Variants in TLK2 observed in about 807,000 individuals in gnomAD.
TLK2 encodes serine/threonine-protein kinase tousled-like 2.
TLK2 carries 6 observed loss-of-function variants against 117.3 expected under a neutral mutation model. The ratio of observed to expected loss-of-function variants is 0.05; its 90% CI spans 0.03 to 0.10. TLK2 has a LOEUF of 0.10. Among genes scored for constraint, TLK2 ranks in the 10% least tolerant of loss-of-function variants. The pLI is 1.00. For missense variants in TLK2, 299 were observed against 901.2 expected (o/e 0.33, Z 8.56); for synonymous variants, 257 against 316.7 (o/e 0.81, Z 2.00).
intron 6 of TLK2, among the ~76,000 whole-genome samples, chr17:62,535,348 A>G (rs2077040580): frequency 1.3e-5 from 2 of 152,180 alleles, no homozygotes; most frequent in African/African-American, 2.4e-5. Flanking sequence ...AGTTATGCGT[A>G]ATTGTGATGT....
At chr17:62,503,666 G>T (rs916428036) in intron 2 of TLK2, among the ~76,000 whole-genome samples, 1 of 151,334 alleles carries the variant, frequency 6.6e-6, no homozygotes, top group East Asian at 1.9e-4. Context: ...TGATCCTCCC[G>T]CCCCAGTCTC....
At chr17:62,471,049 C>G (rs1204032264) in exon 1 of TLK2, 1 of 152,270 alleles carries the variant, frequency 6.6e-6, no homozygotes, top group Non-Finnish European at 1.5e-5. Flanking sequence ...CACAGATGGT[C>G]TCATTTGGCC....
At chr17:62,492,137 T>A (rs2073169258) in intron 2 of TLK2, among the ~76,000 whole-genome samples, 1 of 152,120 alleles carries the variant, frequency 6.6e-6, no homozygotes, top group Non-Finnish European at 1.5e-5. Flanking sequence ...GTATTAATAG[T>A]GTGAAAGAAT....
In TLK2 at chr17:62,615,302, AT is replaced by A. The variant is rs1401319489; in HGVS notation, c.*2741del. ...ACTAAGTGGGGTTCTTCCATGACAT[AT>A]TTTGTTAATATGGGTTTCACTTTTT... is the stretch of plus-strand genomic sequence containing the variant. On this transcript the variant is annotated 3_prime_UTR_variant, in exon 22 of 22. Coordinates refer to ENST00000346027, the MANE Select transcript of TLK2 (RefSeq NM_006852.6). 2.0e-5 allele frequency: 3 copies of A among 152,038 alleles called. No homozygotes were observed. Among genetic ancestry groups the A allele is most frequent in the African/African-American group, 7.2e-5 (3 of 41,382 alleles). 9.4% of individuals were successfully genotyped at this position (152,038 alleles called of 1,614,324 possible).
Position 62,595,118 on chromosome 17 carries a change from C to T in TLK2, c.1461-1467C>T, listed in dbSNP as rs181748570. Among the ~76,000 whole-genome samples the T allele has an allele frequency of 3.5e-3, 527 of 152,078 alleles. 4 individuals are homozygous for T. Among genetic ancestry groups the T allele is most frequent in the African/African-American group, 0.012 (493 of 41,502 alleles). ...TGGGGATTACAGGTGGCCACCACCA[C>T]GGCCAGCTAATTTTTGTATTTTTAG... On this transcript the variant is annotated intron_variant, in intron 16 of 21. Transcript: ENST00000346027.
rs527481552 is a variant in TLK2 at position 62,609,425 on chromosome 17, G to A, written c.2079+1277G>A. 1.4e-4 allele frequency among the ~76,000 whole-genome samples: 21 copies of A among 152,266 alleles called. No homozygotes were observed. The South Asian group carries it at 2.5e-3, about 18-fold the overall frequency. ...CTTTCTTCGGTGTTTGATCTCTGCC[G>A]TTCCCTCACAGTGTACCTATGTGAC... is the stretch of plus-strand genomic sequence containing the variant. On this transcript the variant is annotated intron_variant, in intron 21 of 21. Transcript: ENST00000346027.
chr17:62,578,411 T>A, intron 13 of TLK2, 66 bp from the exon 14 acceptor site: 1 of 1,297,056 alleles, frequency 7.7e-7, no homozygotes, highest in Non-Finnish European at 1.1e-6. Context: ...CTATTGTTTT[T>A]GAAATAAGAT....
At chr17:62,512,835 G>GT (rs910394464) in intron 2 of TLK2, among the ~76,000 whole-genome samples, 2 of 145,558 alleles carry the variant, frequency 1.4e-5, no homozygotes, top group South Asian at 4.3e-4. Context: ...GATCTATTTT[G>GT]TTTTTTTCTC....
At chr17:62,523,076 T>C in intron 4 of TLK2, 58 bp from the exon 5 acceptor site, 1 of 1,495,302 alleles carries the variant, frequency 6.7e-7, no homozygotes, top group South Asian at 1.3e-5. Flanking sequence ...TACATTTTAG[T>C]GAATGATGGT....
At chr17:62,550,819 T>C (rs1332368644) in intron 7 of TLK2, 1 of 152,236 alleles carries the variant, frequency 6.6e-6, no homozygotes, top group Non-Finnish European at 1.5e-5. Flanking sequence ...ATGGAACTAA[T>C]AATTACAACC....
intron 2 of TLK2, among the ~76,000 whole-genome samples, chr17:62,489,664 T>C (rs1490780111): frequency 6.6e-6 from 1 of 152,208 alleles, no homozygotes; most frequent in African/African-American, 2.4e-5. Flanking sequence ...TAGAGCACTT[T>C]TAGGTTTATA....
At chr17:62,486,356 C>T (rs1283127654) in intron 2 of TLK2, among the ~76,000 whole-genome samples, 2 of 150,730 alleles carry the variant, frequency 1.3e-5, no homozygotes, top group East Asian at 2.0e-4. Context: ...TGGGGTTTTG[C>T]CATGTTAGTT....
At chr17:62,604,681 C>T (rs140828710) in intron 19 of TLK2, among the ~76,000 whole-genome samples, 8 of 151,666 alleles carry the variant, frequency 5.3e-5, no homozygotes, top group East Asian at 2.0e-4. Flanking sequence ...GAGGCCAAGG[C>T]GGGCGGATCA....
At chr17:62,493,603 T>C (rs1470200374) in intron 2 of TLK2, among the ~76,000 whole-genome samples, 3 of 152,234 alleles carry the variant, frequency 2.0e-5, no homozygotes, top group Admixed American at 1.3e-4. Flanking sequence ...GTGGTTCTTT[T>C]AATTCACATT....
At chr17:62,603,653 A>C (rs746140163) in intron 19 of TLK2, among the ~76,000 whole-genome samples, 51 of 152,150 alleles carry the variant, frequency 3.4e-4, no homozygotes, top group Non-Finnish European at 6.3e-4. Context: ...GCTTCAAAGT[A>C]GTCTGTTGGG....
At chr17:62,595,663 G>T (rs1236568976) in intron 16 of TLK2, among the ~76,000 whole-genome samples, 1 of 151,760 alleles carries the variant, frequency 6.6e-6, no homozygotes, top group Non-Finnish European at 1.5e-5. Context: ...GGGTTGTTCT[G>T]CAGTGGATGA....
At chr17:62,508,813 CAAA>C in intron 2 of TLK2, among the ~76,000 whole-genome samples, 1 of 152,030 alleles carries the variant, frequency 6.6e-6, no homozygotes, top group Non-Finnish European at 1.5e-5. Flanking sequence ...ACTAAAAATA[CAAA>C]AATTAGCCAA....
chr17:62,479,246 GC>G lies in TLK2; in HGVS notation c.-46del. On this transcript the variant is annotated 5_prime_UTR_variant, in exon 1 of 22. Coordinates refer to ENST00000346027, the MANE Select transcript of TLK2 (RefSeq NM_006852.6). ...CGGTCCGCAGCCGGGTCGGGTCGGG[GC>G]CCCTCCCGGGAGGAGCGTGGAGCGG... 1 of 162,620 alleles carries G rather than the reference GC, an allele frequency of 6.1e-6. No homozygotes were observed. Among genetic ancestry groups the G allele is most frequent in the Non-Finnish European group, 1.3e-5 (1 of 76,514 alleles). The allele number at this position is 162,620 out of a possible 1,614,324, so 10.1% of individuals were successfully genotyped here.
chr17:62,521,547 C>T (rs890660452), intron 3 of TLK2, among the ~76,000 whole-genome samples: 4 of 152,056 alleles, frequency 2.6e-5, no homozygotes, highest in African/African-American at 9.7e-5. Flanking sequence ...TAGGTGCCAC[C>T]GTGCCTGGCT....
Sources: allele counts gnomAD v4.1 joint callset (sites outside exome capture counted in the v4.1 genomes callset), GRCh38; gene constraint gnomAD v4.1.1; transcripts MANE v1.5; gene names NCBI Gene and HGNC (gene_info 2026-07-23, HGNC 2026-07-21).